The following ZC3H12B variants were observed in gnomAD, a reference collection of about 807,000 sequenced individuals.
ZC3H12B encodes the protein probable ribonuclease ZC3H12B.
Under a neutral mutation model 43.9 loss-of-function variants are expected in ZC3H12B, and 7 were observed. The observed-to-expected ratio is 0.16, with a 90% CI of 0.09 to 0.30. ZC3H12B has a LOEUF of 0.30. ZC3H12B is among the 10% of genes least tolerant of loss of function. The probability of loss-of-function intolerance (pLI) is 1.00; values close to 1 mark genes in which losing one functional copy is unlikely to be tolerated. For synonymous variants in ZC3H12B, 222 were observed against 241.7 expected, an observed-to-expected ratio of 0.92 and a Z score of 0.76; for missense variants, 475 against 670.2, an observed-to-expected ratio of 0.71 and a Z score of 3.22.
At chrX:65,096,058 G>T in the ZC3H12B span, among the ~76,000 whole-genome samples, 1 of 111,420 alleles carries the variant, frequency 9.0e-6, no homozygotes, top group South Asian at 3.8e-4. Flanking sequence ...ACCATAGTTA[G>T]ATATGGCAGA....
At chrX:65,310,458 C>T in the ZC3H12B span, among the ~76,000 whole-genome samples, 58 of 111,538 alleles carry the variant, frequency 5.2e-4, no homozygotes, top group Non-Finnish European at 8.7e-4. Context: ...CGTGAAGGAC[C>T]TCTTCAAGGA....
At chrX:65,222,650 T>A in the ZC3H12B span, among the ~76,000 whole-genome samples, 12,214 of 93,860 alleles carry the variant, frequency 0.13, 684 homozygotes, top group Admixed American at 0.24. Flanking sequence ...ATAATAATAA[T>A]AAAACACTTA....
the ZC3H12B span, among the ~76,000 whole-genome samples, chrX:65,223,529 A>G: frequency 8.9e-6 from 1 of 112,836 alleles, no homozygotes; most frequent in African/African-American, 3.2e-5. Context: ...AGCAAAGTTA[A>G]TAGACAACCC....
the ZC3H12B span, among the ~76,000 whole-genome samples, chrX:65,138,251 C>G: frequency 1.8e-5 from 2 of 111,808 alleles, no homozygotes; most frequent in Non-Finnish European, 3.8e-5. Context: ...TCCCCTCCAC[C>G]CCTAACCCTT....
the ZC3H12B span, among the ~76,000 whole-genome samples, chrX:65,224,157 T>C: frequency 1.1e-4 from 12 of 112,518 alleles, no homozygotes; most frequent in African/African-American, 3.9e-4. Context: ...CACAGCATCC[T>C]GGATGGAATT....
chrX:65,309,063 A>G, the ZC3H12B span, among the ~76,000 whole-genome samples: 1 of 111,248 alleles, frequency 9.0e-6, no homozygotes, highest in Non-Finnish European at 1.9e-5. Context: ...ACACCCTAAC[A>G]TCACAATTAA....
chrX:65,382,791 C>A lies in ZC3H12B; in HGVS notation n.295+13793C>A, dbSNP rs182493859. Among the ~76,000 whole-genome samples, 415 of 111,470 alleles carry A rather than the reference C, an allele frequency of 3.7e-3. 4 individuals are homozygous for A. Among genetic ancestry groups the A allele is most frequent in the African/African-American group, 0.013 (389 of 30,616 alleles). ...AAAATCAACGTACAAAAATCACAAGCATTCTTGTACACCAACAACAGACAA... is the reference window on the plus strand; with the variant it reads ...AAAATCAACGTACAAAAATCACAAGAATTCTTGTACACCAACAACAGACAA... On this transcript the variant is annotated intron_variant and non_coding_transcript_variant, in intron 2 of 5. Coordinates refer to the ZC3H12B transcript ENST00000617377.
At chrX:65,189,971 T>A in the ZC3H12B span, among the ~76,000 whole-genome samples, 1 of 110,054 alleles carries the variant, frequency 9.1e-6, no homozygotes, top group South Asian at 3.7e-4. Context: ...AATTGATTTT[T>A]GTATAAGGTG....
chrX:65,351,179 C>T, the ZC3H12B span, among the ~76,000 whole-genome samples: 1 of 111,606 alleles, frequency 9.0e-6, no homozygotes, highest in Non-Finnish European at 1.9e-5. Context: ...ACATCTACAA[C>T]AATCTGATCT....
chrX:65,238,956 A>T, the ZC3H12B span, among the ~76,000 whole-genome samples: 2 of 111,697 alleles, frequency 1.8e-5, no homozygotes, highest in East Asian at 5.6e-4. Flanking sequence ...AGACTTTCTT[A>T]TGATGTCAGG....
chrX:65,187,153 C>A, the ZC3H12B span: 1 of 112,000 alleles, frequency 8.9e-6, no homozygotes, highest in Non-Finnish European at 1.9e-5. Context: ...CTTAGCTTTC[C>A]TCAGTTTCAT....
chrX:65,064,714 G>A, the ZC3H12B span, among the ~76,000 whole-genome samples: 2 of 111,540 alleles, frequency 1.8e-5, no homozygotes, highest in Non-Finnish European at 3.8e-5. Context: ...TTTGTGTCTC[G>A]CTGATCTGTC....
At chrX:65,139,220 C>T in the ZC3H12B span, among the ~76,000 whole-genome samples, 8 of 112,056 alleles carry the variant, frequency 7.1e-5, no homozygotes, top group Non-Finnish European at 1.3e-4. Flanking sequence ...TTTAGAGTCT[C>T]CTGTCTTATC....
the ZC3H12B span, among the ~76,000 whole-genome samples, chrX:65,040,674 A>C: frequency 9.0e-6 from 1 of 111,060 alleles, no homozygotes; most frequent in East Asian, 2.8e-4. Context: ...ATCTTGATTT[A>C]ATAAATATAT....
the ZC3H12B span, among the ~76,000 whole-genome samples, chrX:65,253,675 C>A: frequency 3.6e-5 from 4 of 111,999 alleles, no homozygotes; most frequent in Non-Finnish European, 7.5e-5. Context: ...TTGGCCACGC[C>A]TGCTTGCAGT....
chrX:65,350,185 A>G, the ZC3H12B span, among the ~76,000 whole-genome samples: 1 of 112,113 alleles, frequency 8.9e-6, no homozygotes, highest in Non-Finnish European at 1.9e-5. Context: ...CATCCCTGGG[A>G]TGCAAGGCTG....
the ZC3H12B span, among the ~76,000 whole-genome samples, chrX:65,317,240 C>G: frequency 1.3e-3 from 120 of 94,876 alleles, no homozygotes; most frequent in Non-Finnish European, 1.8e-3. Context: ...AGACATCAAA[C>G]AATCCTCAAC....
chrX:65,298,864 C>T, the ZC3H12B span, among the ~76,000 whole-genome samples: 1 of 111,366 alleles, frequency 9.0e-6, no homozygotes, highest in Non-Finnish European at 1.9e-5. Context: ...AGCAAGGCAC[C>T]ATCTTCACAA....
chrX:65,146,106 C>A, the ZC3H12B span, among the ~76,000 whole-genome samples: 1 of 111,290 alleles, frequency 9.0e-6, no homozygotes. Context: ...TCTTTTTCCT[C>A]AGGAACATCA....
Sources: allele counts gnomAD v4.1 joint callset (sites outside exome capture counted in the v4.1 genomes callset), GRCh38; gene constraint gnomAD v4.1.1; transcripts MANE v1.5; gene names NCBI Gene and HGNC (gene_info 2026-07-23, HGNC 2026-07-21).